Variants in TULP4 observed in about 807,000 individuals in gnomAD.
TULP4 encodes the protein TUB like protein 4, also known as tubby-related protein 4.
TULP4 carries 16 observed loss-of-function variants against 129.0 expected under a neutral mutation model. The observed-to-expected ratio is 0.12, with a 90% CI of 0.08 to 0.19. The LOEUF is 0.19. Ranked by LOEUF, TULP4 falls within the 10% of genes least tolerant of loss-of-function variation. The probability of loss-of-function intolerance (pLI) is 1.00; values close to 1 mark genes in which losing one functional copy is unlikely to be tolerated. For synonymous variants in TULP4, 998 were observed against 854.0 expected (o/e 1.17, Z -2.94); for missense variants, 1,842 against 2,059.1 (o/e 0.89, Z 2.04).
intron 1 of TULP4, among the ~76,000 whole-genome samples, chr6:158,269,014 A>G (rs1003097286): frequency 6.6e-6 from 1 of 152,186 alleles, no homozygotes; most frequent in Non-Finnish European, 1.5e-5. Context: ...GTCCACACCC[A>G]AGCTTAGTGA....
intron 12 of TULP4, among the ~76,000 whole-genome samples, chr6:158,500,681 G>A (rs181200122): frequency 3.5e-4 from 53 of 152,292 alleles, no homozygotes; most frequent in African/African-American, 1.1e-3. Flanking sequence ...ATGCACGCAC[G>A]CTCTGTTAAA....
chr6:158,251,433 A>G (rs756559331), intron 1 of TULP4, among the ~76,000 whole-genome samples: 2 of 151,590 alleles, frequency 1.3e-5, no homozygotes, highest in Non-Finnish European at 2.9e-5. Flanking sequence ...AATATTTTTA[A>G]TATGATTCTA....
chr6:158,353,584 C>T (rs1398964171), intron 1 of TULP4, among the ~76,000 whole-genome samples: 1 of 152,146 alleles, frequency 6.6e-6, no homozygotes, highest in Admixed American at 6.5e-5. Flanking sequence ...TCTGCACTAC[C>T]TGAAAATACC....
intron 1 of TULP4, chr6:158,242,226 T>C (rs554353230): frequency 3.2e-5 from 49 of 1,515,004 alleles, no homozygotes; most frequent in African/African-American, 5.5e-5. Flanking sequence ...CTTCAGCTTT[T>C]TGTAGGATGT....
intron 1 of TULP4, among the ~76,000 whole-genome samples, chr6:158,342,076 A>G (rs1005287863): frequency 7.2e-5 from 11 of 152,154 alleles, no homozygotes; most frequent in Admixed American, 5.2e-4. Context: ...GTGCCACCAC[A>G]CCTACTAATT....
intron 1 of TULP4, chr6:158,398,538 A>C (rs1777770583): frequency 6.6e-6 from 1 of 152,226 alleles, no homozygotes. Context: ...GAAGGCCTCC[A>C]CCTCACGATG....
At chr6:158,360,923 T>G (rs1294069985) in intron 1 of TULP4, among the ~76,000 whole-genome samples, 1 of 152,242 alleles carries the variant, frequency 6.6e-6, no homozygotes, top group East Asian at 1.9e-4. Flanking sequence ...ATTATTGATA[T>G]AGTTGAACTT....
chr6:158,404,949 T>G (rs993972681), intron 1 of TULP4, among the ~76,000 whole-genome samples: 2 of 152,122 alleles, frequency 1.3e-5, no homozygotes. Flanking sequence ...TTCTTTAAAC[T>G]GTTATATATG....
Position 158,502,477 on chromosome 6 carries a change from C to T in TULP4, c.2814C>T (p.Cys938=), listed in dbSNP as rs768953888. ...CTGAGAAGAAGGTCCCTCAGCCCTG[C>T]AGCAGTGCCACCCTGAACCGCCTGA... ...TATEKKVPQP[C]SSATLNRLTV... The change falls in exon 13 of 14, where the codon TGC becomes TGT. Residue 938 remains cysteine, a synonymous_variant. Transcript: ENST00000367097. The T allele has an allele frequency of 5.0e-6, 8 of 1,613,252 alleles. No homozygotes were observed. The East Asian group carries it at 6.7e-5, about 13-fold the overall frequency.
In TULP4 at chr6:158,509,508, AC is replaced by A. The variant is rs1163692853; in HGVS notation, c.*2816del. Reference sequence around the variant, plus strand: ...AGACCCTGAAAAAGCCCATTTTAGAACCTGTTTAATAAGAGCAAATATAGGG... The same window carrying A: ...AGACCCTGAAAAAGCCCATTTTAGAACTGTTTAATAAGAGCAAATATAGGG... On this transcript the variant is annotated 3_prime_UTR_variant, in exon 14 of 14. Coordinates refer to ENST00000367097, the MANE Select transcript of TULP4 (RefSeq NM_020245.5). 6.6e-6 allele frequency: 1 copy of A among 152,170 alleles called. No individual in the cohort carries two copies. Among genetic ancestry groups the A allele is most frequent in the African/African-American group, 2.4e-5 (1 of 41,428 alleles). 9.4% of individuals were successfully genotyped at this position (152,170 alleles called of 1,614,324 possible).
intron 1 of TULP4, among the ~76,000 whole-genome samples, chr6:158,271,869 C>T (rs1466204885): frequency 6.6e-6 from 1 of 152,156 alleles, no homozygotes; most frequent in Non-Finnish European, 1.5e-5. Flanking sequence ...CATTGAAATG[C>T]TACGTTTGAA....
rs138198887 is a variant in TULP4, at chr6:158,399,360, A to G, written c.253-13705A>G. Among the ~76,000 whole-genome samples the G allele has an allele frequency of 6.4e-3, 976 of 152,350 alleles. 10 individuals are homozygous for G. Among genetic ancestry groups the G allele is most frequent in the African/African-American group, 0.021 (871 of 41,578 alleles). ...AGCATTTTACATGATGTTACAGCCA[A>G]TGATTTGGACTTTTAGTTCTCCTTT... On this transcript the variant is annotated intron_variant, in intron 1 of 13. Transcript: ENST00000367097.
chr6:158,324,678 T>C (rs764129045), intron 1 of TULP4, among the ~76,000 whole-genome samples: 5 of 152,344 alleles, frequency 3.3e-5, no homozygotes, highest in Admixed American at 1.3e-4. Flanking sequence ...GTGTGTGTGC[T>C]ATGTCCATTA....
intron 1 of TULP4, among the ~76,000 whole-genome samples, chr6:158,277,097 A>AG (rs1778661962): frequency 6.6e-6 from 1 of 151,954 alleles, no homozygotes; most frequent in Non-Finnish European, 1.5e-5. Flanking sequence ...GTGCTACCAC[A>AG]CCTGGCTAAT....
At chr6:158,240,777 C>G (rs564505747) in intron 1 of TULP4, among the ~76,000 whole-genome samples, 1 of 141,560 alleles carries the variant, frequency 7.1e-6, no homozygotes, top group African/African-American at 2.5e-5. Flanking sequence ...CCGGTCGGCA[C>G]GGCTGGCCAG....
chr6:158,440,177 G>A (rs543904373), intron 3 of TULP4, among the ~76,000 whole-genome samples: 4 of 151,756 alleles, frequency 2.6e-5, no homozygotes, highest in East Asian at 2.0e-4. Context: ...AAAATTATCC[G>A]GGTGTGGGGG....
chr6:158,355,281 T>G (rs755859920), intron 1 of TULP4, among the ~76,000 whole-genome samples: 1 of 152,154 alleles, frequency 6.6e-6, no homozygotes, highest in African/African-American at 2.4e-5. Context: ...GGTGGGGGTC[T>G]TGTTCTATTA....
chr6:158,481,458 A>G, intron 8 of TULP4, 169 bp downstream of exon 8: 1 of 667,332 alleles, frequency 1.5e-6, no homozygotes, highest in African/African-American at 1.8e-5. Context: ...TGAAATGAAC[A>G]GTTCTCTAAA....
At chr6:158,409,819 CTA>C (rs1282509882) in intron 1 of TULP4, among the ~76,000 whole-genome samples, 4 of 152,094 alleles carry the variant, frequency 2.6e-5, no homozygotes, top group Non-Finnish European at 5.9e-5. Flanking sequence ...GTAAATGGGA[CTA>C]TGTTTCCATG....
Sources: gnomAD v4.1 joint callset for allele counts (sites outside exome capture counted in the v4.1 genomes callset) on GRCh38, gnomAD v4.1.1 for gene constraint, MANE v1.5 for transcripts, NCBI Gene and HGNC (gene_info 2026-07-23, HGNC 2026-07-21) for gene names.